The following ARHGEF33 variants were observed in gnomAD, a reference collection of about 807,000 sequenced individuals.
ARHGEF33 encodes the protein DH and coiled-coil domain-containing protein ENSP00000381780.
Under a neutral mutation model 101.9 loss-of-function variants are expected in ARHGEF33, and 72 were observed. The observed-to-expected ratio is 0.71, with a 90% CI of 0.58 to 0.86. The LOEUF is 0.86. ARHGEF33 is among the 40% of genes least tolerant of loss of function. The probability of loss-of-function intolerance (pLI) is 0.00; values close to 1 mark genes in which losing one functional copy is unlikely to be tolerated. For missense variants in ARHGEF33, 1,169 were observed against 1,111.3 expected, an observed-to-expected ratio of 1.05 and a Z score of -0.74; for synonymous variants, 499 against 442.5, an observed-to-expected ratio of 1.13 and a Z score of -1.60.
chr2:38,950,865 A>C, intron 10 of ARHGEF33, 124 bp from the exon 11 acceptor site: 2 of 882,796 alleles, frequency 2.3e-6, no homozygotes, highest in Non-Finnish European at 3.4e-6. Flanking sequence ...AAAATCCTTA[A>C]TGCAGGCCTG....
chr2:38,907,218 C>T (rs148601526), intron 2 of ARHGEF33, among the ~76,000 whole-genome samples: 200 of 152,266 alleles, frequency 1.3e-3, no homozygotes, highest in African/African-American at 4.7e-3. Flanking sequence ...TATGCACGGG[C>T]TGTGGACCAT....
Position 38,966,060 on chromosome 2 carries a change from G to A in ARHGEF33, c.2398G>A (p.Glu800Lys). The A allele has an allele frequency of 6.4e-7, 1 of 1,551,662 alleles. No homozygotes were observed. Among genetic ancestry groups the A allele is most frequent in the South Asian group, 1.2e-5 (1 of 84,048 alleles). ...CTGTCCCAAAGAAGAAAGAGAAAGT[G>A]AACAAACATCTTTCAGCGATCAAAA... ...RFCPKEERES[E>K]QTSFSDQNPR... Residue 800 changes from glutamate (E) to lysine (K), a missense_variant, in exon 17 of 18, where the codon GAA becomes AAA. Coordinates refer to ENST00000409978, the MANE Select transcript of ARHGEF33 (RefSeq NM_001145451.5).
At chr2:38,929,117 C>A in intron 5 of ARHGEF33, 46 bp downstream of exon 5, 2 of 1,448,906 alleles carry the variant, frequency 1.4e-6, no homozygotes, top group South Asian at 2.6e-5. Context: ...ATTTTGGTCT[C>A]AGTAACAGCA....
chr2:38,909,420 C>T (rs1666461467), intron 2 of ARHGEF33, among the ~76,000 whole-genome samples: 1 of 151,726 alleles, frequency 6.6e-6, no homozygotes. Context: ...TTCCTGGGCT[C>T]AGGTGATTCT....
intron 10 of ARHGEF33, among the ~76,000 whole-genome samples, chr2:38,949,756 G>C (rs920746500): frequency 1.3e-5 from 2 of 152,210 alleles, no homozygotes; most frequent in Non-Finnish European, 2.9e-5. Flanking sequence ...GGTTCTGCAG[G>C]CTGTACAGGA....
chr2:38,935,133 A>G (rs1667100877), intron 7 of ARHGEF33, among the ~76,000 whole-genome samples: 1 of 151,850 alleles, frequency 6.6e-6, no homozygotes. Flanking sequence ...TTTGGCTTTT[A>G]CACTGAAATG....
intron 16 of ARHGEF33, 54 bp downstream of exon 16, chr2:38,960,702 T>A: frequency 8.0e-7 from 1 of 1,252,556 alleles, no homozygotes; most frequent in Admixed American, 3.6e-5. Flanking sequence ...GGCCTAGATC[T>A]GCAGGAAGCA....
Position 38,960,332 on chromosome 2 carries a change from TG to T in ARHGEF33, c.2028del (p.Lys678ArgfsTer28), listed in dbSNP as rs1558444402. On this transcript the variant is annotated frameshift_variant, in exon 16 of 18. Coordinates refer to ENST00000409978, the MANE Select transcript of ARHGEF33 (RefSeq NM_001145451.5). LOFTEE classifies it high-confidence loss of function. ...AERPEHPLQPLPKSATSPAGS... is the reference protein window; with the variant it reads ...AERPEHPLQPXPKSATSPAGS... ...CGGCCGGAGCACCCGCTGCAGCCGCTGCCCAAGAGCGCTACGTCGCCGGCGG... is the reference window on the plus strand; with the variant it reads ...CGGCCGGAGCACCCGCTGCAGCCGCTCCCAAGAGCGCTACGTCGCCGGCGG... 8 of 1,538,974 alleles carry T rather than the reference TG, an allele frequency of 5.2e-6. No homozygotes were observed. The Admixed American group carries it at 1.6e-4, about 30-fold the overall frequency.
At position 38,919,353 on chromosome 2, in the gene ARHGEF33, G is replaced by A. The variant is rs754882170; in HGVS notation, c.-85-10G>A. The A allele has an allele frequency of 6.3e-5, 80 of 1,261,714 alleles. No individual in the cohort carries two copies. Among genetic ancestry groups the A allele is most frequent in the Non-Finnish European group, 8.8e-5 (78 of 884,568 alleles). 78.2% of individuals were successfully genotyped at this position (1,261,714 alleles called of 1,614,324 possible). On this transcript the variant is annotated splice_polypyrimidine_tract_variant and intron_variant, in intron 2 of 17. Coordinates refer to ENST00000409978, the MANE Select transcript of ARHGEF33 (RefSeq NM_001145451.5). ...ACTTGTTATCCCTTACTCTTGATTTGAATTGACAGGTGCAGGGAAGAGGAG... is the reference window on the plus strand; with the variant it reads ...ACTTGTTATCCCTTACTCTTGATTTAAATTGACAGGTGCAGGGAAGAGGAG...
intron 15 of ARHGEF33, among the ~76,000 whole-genome samples, chr2:38,958,682 T>C (rs1156504935): frequency 6.7e-6 from 1 of 149,532 alleles, no homozygotes; most frequent in Non-Finnish European, 1.5e-5. Context: ...GAGTAAGATA[T>C]TGGTTTTAGC....
At chr2:38,909,330 A>G (rs542922900) in intron 2 of ARHGEF33, among the ~76,000 whole-genome samples, 1 of 149,442 alleles carries the variant, frequency 6.7e-6, no homozygotes. Context: ...ATTAAAAAAA[A>G]TTTTTTTTTT....
chr2:38,942,702 G>C (rs775571536), intron 9 of ARHGEF33, among the ~76,000 whole-genome samples: 4 of 151,850 alleles, frequency 2.6e-5, no homozygotes, highest in Admixed American at 6.6e-5. Context: ...CATTGTCTCT[G>C]TTTCTTCAGG....
At chr2:38,953,064 C>G (rs1667651821) in intron 11 of ARHGEF33, 98 bp from the exon 12 acceptor site, 1 of 661,004 alleles carries the variant, frequency 1.5e-6, no homozygotes, top group Middle Eastern at 4.0e-4. Flanking sequence ...ATAAGATAAT[C>G]TCTGCAAAGT....
In ARHGEF33 at chr2:38,967,384, C is replaced by T. The variant is rs531846700; in HGVS notation, c.2483+1239C>T. 3.9e-5 allele frequency among the ~76,000 whole-genome samples: 6 copies of T among 152,288 alleles called. No individual in the cohort carries two copies. The East Asian group carries it at 1.2e-3, about 29-fold the overall frequency. On this transcript the variant is annotated intron_variant, in intron 17 of 17. Transcript: ENST00000409978. ...TTCTCTCTCAGTTTTGCTAAGGAAC[C>T]CAGTGCATGCTTGCATGCTGCTTTG... is the stretch of plus-strand genomic sequence containing the variant.
intron 17 of ARHGEF33, among the ~76,000 whole-genome samples, chr2:38,966,411 G>A (rs1475001337): frequency 6.6e-6 from 1 of 152,200 alleles, no homozygotes; most frequent in African/African-American, 2.4e-5. Context: ...CTTGAGAGGA[G>A]TGGGCAGAGG....
At chr2:38,934,021 C>A (rs921767154) in intron 7 of ARHGEF33, among the ~76,000 whole-genome samples, 4 of 152,180 alleles carry the variant, frequency 2.6e-5, no homozygotes, top group Admixed American at 2.0e-4. Flanking sequence ...GATGTTTAGC[C>A]TCCCTACTCC....
rs572668041 is a variant in ARHGEF33 at position 38,907,867 on chromosome 2, T to C, written c.-85-11496T>C. On this transcript the variant is annotated intron_variant, in intron 2 of 17. Transcript: ENST00000409978. ...CACAGTGTCTCTGGGAGGATTTTTT[T>C]TTTTTTTTTTAGACAATGTCTCACT... 1.5e-4 allele frequency among the ~76,000 whole-genome samples: 23 copies of C among 151,864 alleles called. No individual in the cohort carries two copies. In the South Asian group the frequency reaches 4.6e-3, roughly 30 times the overall value.
At chr2:38,918,993 C>G (rs1002584963) in intron 2 of ARHGEF33, among the ~76,000 whole-genome samples, 1 of 152,094 alleles carries the variant, frequency 6.6e-6, no homozygotes, top group Non-Finnish European at 1.5e-5. Context: ...CGGCAGTGAG[C>G]CATGACTGCA....
chr2:38,952,067 G>T (rs143897758), intron 11 of ARHGEF33, among the ~76,000 whole-genome samples: 1 of 152,254 alleles, frequency 6.6e-6, no homozygotes, highest in East Asian at 1.9e-4. Context: ...GACTAGAGTT[G>T]CCAGAGCTTC....
Sources: allele counts gnomAD v4.1 joint callset (sites outside exome capture counted in the v4.1 genomes callset), GRCh38; gene constraint gnomAD v4.1.1; transcripts MANE v1.5; gene names NCBI Gene and HGNC (gene_info 2026-07-23, HGNC 2026-07-21).